The following NKD2 variants were observed in gnomAD, a reference collection of about 807,000 sequenced individuals.
The protein encoded by NKD2 is protein naked cuticle homolog 2.
Under a neutral mutation model 34.8 loss-of-function variants are expected in NKD2, and 43 were observed. The ratio of observed to expected loss-of-function variants is 1.24; its 90% confidence interval spans 0.97 to 1.60. NKD2 has a LOEUF of 1.60. Among genes scored for constraint, NKD2 ranks in the 40% most tolerant of loss-of-function variants. The pLI, the probability that NKD2 is intolerant of heterozygous loss-of-function variation, is 0.00. For missense variants in NKD2, 675 were observed against 627.1 expected, an observed-to-expected ratio of 1.08 and a Z score of -0.82; for synonymous variants, 278 against 265.1, an observed-to-expected ratio of 1.05 and a Z score of -0.47.
At chr5:1,016,923 C>CCCA (rs1228272101) in intron 3 of NKD2, among the ~76,000 whole-genome samples, 2 of 151,640 alleles carry the variant, frequency 1.3e-5, no homozygotes, top group Non-Finnish European at 2.9e-5. Flanking sequence ...CAGAGCTGAC[C>CCCA]TCACCCTCCT....
At chr5:1,014,704 CTTTCTA>C (rs1288204520) in intron 3 of NKD2, among the ~76,000 whole-genome samples, 1 of 152,202 alleles carries the variant, frequency 6.6e-6, no homozygotes, top group Non-Finnish European at 1.5e-5. Flanking sequence ...GGGTTCGGCT[CTTTCTA>C]TTTCTCAGGA....
rs777498655 is a variant in NKD2, at chr5:1,033,469, A to G, written c.300A>G (p.Arg100=). The G allele has an allele frequency of 6.4e-7, 1 of 1,554,792 alleles. No homozygotes were observed. The highest frequency in any genetic ancestry group is 8.7e-7 in the Non-Finnish European group (1 of 1,149,566). ...GERAANREGP[R]GPGGQRLNID... is the part of the protein sequence containing the mutation. Reference sequence around the variant, plus strand: ...GGGCAGCAAACCGCGAGGGCCCGCGAGGACCGGGCGGGCAGCGCCTCAACA... The same window carrying G: ...GGGCAGCAAACCGCGAGGGCCCGCGGGGACCGGGCGGGCAGCGCCTCAACA... Residue 100 remains arginine (R), a synonymous_variant, in exon 5 of 10, where the codon CGA becomes CGG. Transcript: ENST00000296849.
intron 3 of NKD2, among the ~76,000 whole-genome samples, chr5:1,029,440 G>A (rs191610957): frequency 4.6e-5 from 7 of 152,240 alleles, no homozygotes; most frequent in South Asian, 2.1e-4. Flanking sequence ...TGTAGCGCGC[G>A]GAGCGTTTCC....
At chr5:1,036,493 CCCCCCCCCAA>C (rs1160125054) in intron 9 of NKD2, 109 bp downstream of exon 9, 6 of 535,052 alleles carry the variant, frequency 1.1e-5, no homozygotes, top group East Asian at 3.4e-5. Context: ...CCCTGCCCCG[CCCCCCCCCAA>C]CCCCCCCCAC....
chr5:1,024,634 G>T (rs1382698842), intron 3 of NKD2, among the ~76,000 whole-genome samples: 28 of 57,136 alleles, frequency 4.9e-4, no homozygotes, highest in South Asian at 1.3e-3. Flanking sequence ...CTTCCCACCC[G>T]CTGTGGGCGT....
chr5:1,020,587 A>G (rs1415741686), intron 3 of NKD2, among the ~76,000 whole-genome samples: 1 of 150,384 alleles, frequency 6.6e-6, no homozygotes, highest in Non-Finnish European at 1.5e-5. Context: ...GTGCTCCCTG[A>G]GTCCCTCTCT....
intron 3 of NKD2, among the ~76,000 whole-genome samples, chr5:1,017,406 C>G (rs1756003554): frequency 6.6e-6 from 1 of 152,268 alleles, no homozygotes; most frequent in South Asian, 2.1e-4. Context: ...CAGCCCCAGA[C>G]AGAGCTGGAG....
chr5:1,024,661 T>A (rs1273943944), intron 3 of NKD2, among the ~76,000 whole-genome samples: 224 of 77,366 alleles, frequency 2.9e-3, no homozygotes, highest in African/African-American at 0.012. Context: ...CCTTTGTCCC[T>A]GCTCTTCCCA....
At chr5:1,031,384 A>G (rs534049520) in intron 3 of NKD2, among the ~76,000 whole-genome samples, 8 of 152,190 alleles carry the variant, frequency 5.3e-5, no homozygotes, top group South Asian at 4.1e-4. Context: ...TCTGTGCTGT[A>G]TCTCCTTGTG....
At chr5:1,033,241 C>T (rs529268157) in intron 4 of NKD2, 131 bp from the exon 5 acceptor site, 46 of 883,870 alleles carry the variant, frequency 5.2e-5, no homozygotes, top group African/African-American at 5.1e-4. Flanking sequence ...GTCCCAAGAT[C>T]GGGCTCTCAG....
Position 1,009,484 on chromosome 5 carries a change from A to G in NKD2, c.65A>G (p.Asp22Gly). The change falls in exon 3 of 10, where the codon GAC becomes GGC. Residue 22 changes from aspartate (D) to glycine (G), a missense_variant. Asp to Gly is a moderately conservative substitution (Grantham distance 94). Transcript: ENST00000296849. This position sits in a 1 kb window ranked among gnomAD's most constrained non-coding sequence, Gnocchi z 6.9. Reference sequence around the variant, plus strand: ...CGCGTCCGCCCCCGGACCGCAGGGGACAGCTTCGTGGCGTCCGCGTACGCG... The same window carrying G: ...CGCGTCCGCCCCCGGACCGCAGGGGGCAGCTTCGTGGCGTCCGCGTACGCG... ...ARKRRESPEG[D>G]SFVASAYASG... 1.3e-6 allele frequency: 2 copies of G among 1,500,238 alleles called. No individual in the cohort carries two copies. Among genetic ancestry groups the G allele is most frequent in the Non-Finnish European group, 1.8e-6 (2 of 1,132,724 alleles). 92.9% of individuals were successfully genotyped at this position (1,500,238 alleles called of 1,614,324 possible).
intron 3 of NKD2, among the ~76,000 whole-genome samples, chr5:1,025,921 G>A (rs1579262251): frequency 8.9e-6 from 1 of 112,560 alleles, no homozygotes; most frequent in Non-Finnish European, 1.8e-5. Flanking sequence ...GGGCGTCCCA[G>A]CCCATTGTCC....
Position 1,021,773 on chromosome 5 carries a change from C to T in NKD2, c.142-10379C>T, listed in dbSNP as rs117458144. ...AGAAAACACTCTCTTCCGCAGACGC[C>T]GGTGGCAGGTTCCCCCCTCCCATGG... On this transcript the variant is annotated intron_variant, in intron 3 of 9. Transcript: ENST00000296849. Among the ~76,000 whole-genome samples the T allele has an allele frequency of 1.1e-3, 166 of 152,182 alleles. 1 individual carries two copies. In the East Asian group the frequency reaches 0.013, roughly 12 times the overall value.
rs576773512 is a variant in NKD2, at chr5:1,020,669, CT to C, written c.141+11130del. 3.8e-3 allele frequency among the ~76,000 whole-genome samples: 432 copies of C among 114,214 alleles called. 3 individuals are homozygous for C. The highest frequency in any genetic ancestry group is 6.1e-3 in the South Asian group (22 of 3,626). 74.9% of individuals were successfully genotyped at this position (114,214 alleles called of 152,430 possible). A position where few individuals can be genotyped will look rare whatever the true frequency, so the allele number is the denominator to read the frequency against. On this transcript the variant is annotated intron_variant, in intron 3 of 9. Transcript: ENST00000296849. ...GTCTTGCTGACCACGTGTTGCTTGT[CT>C]TTTTTTTTTTTTTTTTTTTTCTGCA...
rs527848821 is a variant in NKD2 at position 1,009,257 on chromosome 5, G to A, written c.61+43G>A. 63 of 482,656 alleles carry A rather than the reference G, an allele frequency of 1.3e-4. No individual in the cohort carries two copies. The highest frequency in any genetic ancestry group is 1.1e-3 in the African/African-American group (53 of 48,700). 29.9% of individuals were successfully genotyped at this position (482,656 alleles called of 1,614,324 possible). A position where few individuals can be genotyped will look rare whatever the true frequency, so the allele number is the denominator to read the frequency against. On this transcript the variant is annotated intron_variant, in intron 2 of 9. Coordinates refer to ENST00000296849, the MANE Select transcript of NKD2 (RefSeq NM_033120.4). The surrounding 1 kb of genome is among the most constrained non-coding windows in gnomAD (Gnocchi z 6.9). ...CGGGCGGGGCGGGGGGCGGCGACCCGGCCCGGGACCCTCAGAGCTAGGAGC... is the reference window on the plus strand; with the variant it reads ...CGGGCGGGGCGGGGGGCGGCGACCCAGCCCGGGACCCTCAGAGCTAGGAGC...
intron 3 of NKD2, among the ~76,000 whole-genome samples, chr5:1,029,710 C>CCCCGTCCAA (rs1215194433): frequency 6.6e-6 from 1 of 152,216 alleles, no homozygotes; most frequent in Non-Finnish European, 1.5e-5. Flanking sequence ...AAATACTCCA[C>CCCCGTCCAA]CCCGTCCAAC....
chr5:1,012,492 A>G (rs1021502432), intron 3 of NKD2, among the ~76,000 whole-genome samples: 1 of 152,220 alleles, frequency 6.6e-6, no homozygotes, highest in African/African-American at 2.4e-5. Context: ...GTGTGCCAAC[A>G]TGGTACATGT....
At chr5:1,016,174 C>T (rs1010159660) in intron 3 of NKD2, among the ~76,000 whole-genome samples, 1 of 152,274 alleles carries the variant, frequency 6.6e-6, no homozygotes, top group Non-Finnish European at 1.5e-5. Flanking sequence ...CGGTGCTGAC[C>T]TGGCTGCCGC....
At position 1,032,228 on chromosome 5, in the gene NKD2, G is replaced by A. The variant is rs764310488; in HGVS notation, c.202+16G>A. 3.1e-5 allele frequency: 50 copies of A among 1,598,534 alleles called. No individual in the cohort carries two copies. The highest frequency in any genetic ancestry group is 3.9e-5 in the Non-Finnish European group (46 of 1,169,202). The stretch of plus-strand genomic sequence containing the variant: ...CCCCTACAGGGTGAGTGCAGCTCCC[G>A]CAGCCCTCCCTCCCCAAACTCACAG... On this transcript the variant is annotated intron_variant, in intron 4 of 9. Coordinates refer to ENST00000296849, the MANE Select transcript of NKD2 (RefSeq NM_033120.4).
Sources: allele counts gnomAD v4.1 joint callset (sites outside exome capture counted in the v4.1 genomes callset), GRCh38; gene constraint gnomAD v4.1.1; non-coding constraint Gnocchi (gnomAD v3.1); transcripts MANE v1.5; gene names NCBI Gene and HGNC (gene_info 2026-07-23, HGNC 2026-07-21).